LTBP3: variants seen among roughly 807,000 people sequenced by gnomAD.
The protein encoded by LTBP3 is latent-transforming growth factor beta-binding protein 3.
Under a neutral mutation model 159.7 loss-of-function variants are expected in LTBP3, and 97 were observed. The observed-to-expected ratio is 0.61, with a 90% CI of 0.52 to 0.72. The LOEUF (loss-of-function observed/expected upper bound fraction) is 0.72, where lower values mean the gene tolerates loss of function less well. LTBP3 is among the 30% of genes least tolerant of loss of function. The probability of loss-of-function intolerance (pLI) is 0.00; values close to 1 mark genes in which losing one functional copy is unlikely to be tolerated. For missense variants in LTBP3, 1,584 were observed against 1,864.3 expected, an observed-to-expected ratio of 0.85 and a Z score of 2.77; for synonymous variants, 824 against 777.1, an observed-to-expected ratio of 1.06 and a Z score of -1.00.
intron 10 of LTBP3, 50 bp from the exon 11 acceptor site, chr11:65,551,274 C>T (rs777123180): frequency 1.3e-6 from 2 of 1,524,114 alleles, no homozygotes; most frequent in Non-Finnish European, 1.8e-6. Context: ...CTGAAGCCTC[C>T]CTTTCCACTT....
chr11:65,551,075 T>A, intron 11 of LTBP3, 51 bp downstream of exon 11: 1 of 1,470,104 alleles, frequency 6.8e-7, no homozygotes. Flanking sequence ...GAGAGAAAAC[T>A]AAAGTGGGGG....
Position 65,552,595 on chromosome 11 carries a change from G to A in LTBP3, c.1187-189C>T, listed in dbSNP as rs1402115678. Among the ~76,000 whole-genome samples the A allele has an allele frequency of 6.6e-6, 1 of 152,070 alleles. No homozygotes were observed. The highest frequency in any genetic ancestry group is 1.5e-5 in the Non-Finnish European group (1 of 68,012). On this transcript the variant is annotated intron_variant, in intron 6 of 27. Transcript: ENST00000301873. This position sits in a 1 kb window ranked among gnomAD's most constrained non-coding sequence, Gnocchi z 6.0. ...GTGACCACTGACCCCATTGACTCCC[G>A]ATTCTAGCTATCCTGGACTTCACCA...
chr11:65,539,497 C>A, intron 26 of LTBP3, 38 bp from the exon 27 acceptor site: 7 of 1,594,564 alleles, frequency 4.4e-6, no homozygotes, highest in Non-Finnish European at 6.0e-6. Flanking sequence ...CAACACTGAG[C>A]CCCGGCCAAA....
In LTBP3 at chr11:65,541,897, A is replaced by G. The variant is rs979802391; in HGVS notation, c.2597-169T>C. The G allele has an allele frequency of 6.8e-6, 5 of 737,330 alleles. No individual in the cohort carries two copies. The African/African-American group carries it at 8.7e-5, about 13-fold the overall frequency. 45.7% of individuals were successfully genotyped at this position (737,330 alleles called of 1,614,324 possible). On this transcript the variant is annotated intron_variant, in intron 18 of 27. Transcript: ENST00000301873. ...GTGTCTGAATGTGCATGTGGACATT[A>G]GCTGCTGTCCTTCATAACACCTTCA... is the stretch of plus-strand genomic sequence containing the variant.
chr11:65,557,491 C>A (rs905410572), intron 1 of LTBP3, 138 bp downstream of exon 1: 2 of 1,176,622 alleles, frequency 1.7e-6, no homozygotes, highest in Middle Eastern at 2.8e-4. Flanking sequence ...TTCCCTGAGG[C>A]CCCTGGTCCC....
chr11:65,539,502 G>A (rs763764203), intron 26 of LTBP3, 43 bp from the exon 27 acceptor site: 17 of 1,598,010 alleles, frequency 1.1e-5, no homozygotes, highest in Non-Finnish European at 1.4e-5. Flanking sequence ...CTGAGCCCCG[G>A]CCAAAGGCTA....
chr11:65,553,737 CAG>C lies in LTBP3; in HGVS notation c.826_827del (p.Leu276GlyfsTer30). On this transcript the variant is annotated frameshift_variant, in exon 3 of 28. Transcript: ENST00000301873. LOFTEE classifies it high-confidence loss of function. The surrounding 1 kb of genome is among the most constrained non-coding windows in gnomAD (Gnocchi z 6.5). ...SHPRPPTQKP[L>X]GRCFQDTLPK... ...GCAGAGTGTCCTGAAAGCAGCGGCC[CAG>C]GGGCTTCTGGGTGGGCGGCCGGGGG... The C allele has an allele frequency of 6.3e-7, 1 of 1,579,576 alleles. No homozygotes were observed. Among genetic ancestry groups the C allele is most frequent in the Non-Finnish European group, 8.5e-7 (1 of 1,170,654 alleles).
At position 65,541,197 on chromosome 11, in the gene LTBP3, T is replaced by C; in HGVS notation, c.2822A>G (p.Glu941Gly). 1.2e-6 allele frequency: 2 copies of C among 1,613,760 alleles called. No individual in the cohort carries two copies. The highest frequency in any genetic ancestry group is 1.7e-6 in the Non-Finnish European group (2 of 1,179,990). The change falls in exon 20 of 28, where the codon GAG (glutamate) becomes GGG (glycine). Residue 941 changes from glutamate (E) to glycine (G), a missense_variant. Glu to Gly is a moderately conservative substitution (Grantham distance 98). Around this residue, in one of 6 missense-constraint regions of LTBP3, gnomAD observed 565 missense variants for 677.7 expected, o/e 0.83. Transcript: ENST00000301873. ...GCCGGCCCCCAGAGAGCAGCAGCAC[T>C]CCTGCTGGGTCACGTTGGTGGCCAA... is the stretch of plus-strand genomic sequence containing the variant. ...SVLATNVTQQ[E>G]CCCSLGAGWG...
At position 65,553,384 on chromosome 11, in the gene LTBP3, G is replaced by T. The variant is rs1192413408; in HGVS notation, c.970+41C>A. The T allele has an allele frequency of 6.5e-7, 1 of 1,537,512 alleles. No individual in the cohort carries two copies. Reference sequence around the variant, plus strand: ...GGGATGGGTGGGGTGGGTGGGGAGGGGCCACCAGATAGGGAACGCCCCCTG... The same window carrying T: ...GGGATGGGTGGGGTGGGTGGGGAGGTGCCACCAGATAGGGAACGCCCCCTG... On this transcript the variant is annotated intron_variant, in intron 4 of 27. Transcript: ENST00000301873. The surrounding 1 kb of genome is among the most constrained non-coding windows in gnomAD (Gnocchi z 6.5).
rs1239563516 is a variant in LTBP3 at position 65,552,662 on chromosome 11, A to G, written c.1186+198T>C. On this transcript the variant is annotated intron_variant, in intron 6 of 27. Coordinates refer to ENST00000301873, the MANE Select transcript of LTBP3 (RefSeq NM_001130144.3). The surrounding 1 kb of genome is among the most constrained non-coding windows in gnomAD (Gnocchi z 6.0). ...CTATGTTCTGCATGACTCTGACTCT[A>G]TGTAATCCCTGACCCCATGTGACTG... Among the ~76,000 whole-genome samples, 4 of 152,162 alleles carry G rather than the reference A, an allele frequency of 2.6e-5. No individual in the cohort carries two copies. Among genetic ancestry groups the G allele is most frequent in the African/African-American group, 7.2e-5 (3 of 41,496 alleles).
Position 65,546,389 on chromosome 11 carries a change from G to C in LTBP3, c.2353+53C>G. On this transcript the variant is annotated intron_variant, in intron 16 of 27. Coordinates refer to ENST00000301873, the MANE Select transcript of LTBP3 (RefSeq NM_001130144.3). The surrounding 1 kb of genome is among the most constrained non-coding windows in gnomAD (Gnocchi z 4.0). Reference sequence around the variant, plus strand: ...TACAGACAGCGTGACCCGCTCCCCGGCTTCAGCGCGTAGGGGGCGGCGGAG... The same window carrying C: ...TACAGACAGCGTGACCCGCTCCCCGCCTTCAGCGCGTAGGGGGCGGCGGAG... The C allele has an allele frequency of 6.7e-7, 1 of 1,491,066 alleles. No homozygotes were observed. The highest frequency in any genetic ancestry group is 2.5e-5 in the East Asian group (1 of 40,026). The allele number at this position is 1,491,066 out of a possible 1,614,324, so 92.4% of individuals were successfully genotyped here.
intron 19 of LTBP3, 117 bp downstream of exon 19, chr11:65,541,483 A>G: frequency 6.4e-7 from 1 of 1,555,610 alleles, no homozygotes; most frequent in Admixed American, 1.7e-5. Flanking sequence ...CCCCAGCCAA[A>G]AGAGATTTCT....
chr11:65,551,134 T>C lies in LTBP3; in HGVS notation c.1712A>G (p.Gln571Arg), dbSNP rs1856594821. 3 of 1,553,220 alleles carry C rather than the reference T, an allele frequency of 1.9e-6. No individual in the cohort carries two copies. Among genetic ancestry groups the C allele is most frequent in the Admixed American group, 1.9e-5 (1 of 51,416 alleles). Residue 571 changes from glutamine to arginine, a missense_variant, in exon 11 of 28, where the codon CAG (glutamine) becomes CGG (arginine). By Grantham distance (43) the Gln-to-Arg change is conservative. This residue lies in a region of LTBP3 where 565 missense variants were observed against 677.7 expected (regional missense o/e 0.83). Coordinates refer to ENST00000301873, the MANE Select transcript of LTBP3 (RefSeq NM_001130144.3). Reference sequence around the variant, plus strand: ...TGCTGGGCGGGCCTTACCTGTGACCTGAGTGGGAGCGATCTCTACGGCGCT... The same window carrying C: ...TGCTGGGCGGGCCTTACCTGTGACCCGAGTGGGAGCGATCTCTACGGCGCT... Reference protein sequence around the residue: ...SRSAVEIAPTQVTETDECRLN... With the variant: ...SRSAVEIAPTRVTETDECRLN...
In LTBP3 at chr11:65,540,709, G is replaced by A. The variant is rs942250475; in HGVS notation, c.2978-95C>T. 1.6e-5 allele frequency: 26 copies of A among 1,584,712 alleles called. 1 individual carries two copies. Among genetic ancestry groups the A allele is most frequent in the East Asian group, 4.5e-5 (2 of 44,736 alleles). On this transcript the variant is annotated intron_variant, in intron 21 of 27. Transcript: ENST00000301873. The stretch of plus-strand genomic sequence containing the variant: ...ACCGGAGCGAAGCCATCCCCGGGCG[G>A]GGCCTACAGGAGGGGCGGGGCCTAC...
At position 65,538,916 on chromosome 11, in the gene LTBP3, G is replaced by A. The variant is rs762394280; in HGVS notation, c.*164C>T. 7.9e-7 allele frequency: 1 copy of A among 1,266,460 alleles called. No homozygotes were observed. The highest frequency in any genetic ancestry group is 1.0e-6 in the Non-Finnish European group (1 of 989,364). The allele number at this position is 1,266,460 out of a possible 1,614,324, so 78.5% of individuals were successfully genotyped here. A position where few individuals can be genotyped will look rare whatever the true frequency, so the allele number is the denominator to read the frequency against. ...GACCTTACAACCGCCCGCTAACCGG[G>A]GAGGGGGGCCGGTAGGGGCGCCTCG... On this transcript the variant is annotated 3_prime_UTR_variant, in exon 28 of 28. Coordinates refer to ENST00000301873, the MANE Select transcript of LTBP3 (RefSeq NM_001130144.3).
chr11:65,548,048 G>T lies in LTBP3; in HGVS notation c.1721-3C>A, dbSNP rs527932881. 1 of 1,613,818 alleles carries T rather than the reference G, an allele frequency of 6.2e-7. No individual in the cohort carries two copies. Among genetic ancestry groups the T allele is most frequent in the Non-Finnish European group, 8.5e-7 (1 of 1,179,982 alleles). On this transcript the variant is annotated splice_polypyrimidine_tract_variant and splice_region_variant and intron_variant, in intron 11 of 27. Transcript: ENST00000301873. ...GTTCAGTCGGCACTCATCAGTCTCT[G>T]CGGGCATGGCCAGGTCAAGCGGCAG...
chr11:65,542,941 G>C (rs1380086533), intron 18 of LTBP3, 164 bp downstream of exon 18: 2 of 789,392 alleles, frequency 2.5e-6, no homozygotes, highest in Non-Finnish European at 4.2e-6. Context: ...AGGATGGATG[G>C]ATGGATGGAT....
Position 65,553,760 on chromosome 11 carries a change from G to T in LTBP3, c.805C>A (p.Arg269=). The T allele has an allele frequency of 6.4e-7, 1 of 1,573,106 alleles. No homozygotes were observed. The highest frequency in any genetic ancestry group is 8.6e-7 in the Non-Finnish European group (1 of 1,167,314). Residue 269 remains arginine (R), a synonymous_variant, in exon 3 of 28, where the codon CGG becomes AGG. Transcript: ENST00000301873. The surrounding 1 kb of genome is among the most constrained non-coding windows in gnomAD (Gnocchi z 6.5). ...CCCAGGGGCTTCTGGGTGGGCGGCC[G>T]GGGGTGCGAGGGCTTGGGGTGCGGC... The part of the protein sequence containing the change: ...LLPHPKPSHP[R]PPTQKPLGRC...
Position 65,553,360 on chromosome 11 carries a change from G to A in LTBP3, c.970+65C>T, listed in dbSNP as rs1389331105. On this transcript the variant is annotated intron_variant, in intron 4 of 27. Coordinates refer to ENST00000301873, the MANE Select transcript of LTBP3 (RefSeq NM_001130144.3). This position sits in a 1 kb window ranked among gnomAD's most constrained non-coding sequence, Gnocchi z 6.5. ...GGTGACCTGGGGACTCCCACTGCAG[G>A]GATGGGTGGGGTGGGTGGGGAGGGG... is the stretch of plus-strand genomic sequence containing the variant. The A allele has an allele frequency of 1.5e-6, 2 of 1,293,352 alleles. No individual in the cohort carries two copies. Among genetic ancestry groups the A allele is most frequent in the Non-Finnish European group, 2.2e-6 (2 of 900,382 alleles). 80.1% of individuals were successfully genotyped at this position (1,293,352 alleles called of 1,614,324 possible).
Sources: gnomAD v4.1 joint callset for allele counts (sites outside exome capture counted in the v4.1 genomes callset) on GRCh38, gnomAD v4.1.1 for gene constraint, gnomAD v4.1.1 regional missense constraint, Gnocchi (gnomAD v3.1) non-coding constraint, MANE v1.5 for transcripts, NCBI Gene and HGNC (gene_info 2026-07-23, HGNC 2026-07-21) for gene names.